Variants in CFAP77 observed in about 807,000 individuals in gnomAD.
The protein encoded by CFAP77 is cilia and flagella associated protein 77.
CFAP77 carries 25 observed loss-of-function variants against 31.1 expected under a neutral mutation model. The observed-to-expected ratio is 0.80, with a 90% CI of 0.59 to 1.12. The LOEUF is 1.12. Ranked by LOEUF, CFAP77 falls within the 50% of genes most tolerant of loss-of-function variation. The probability of loss-of-function intolerance (pLI) is 0.00; values close to 1 mark genes in which losing one functional copy is unlikely to be tolerated. For synonymous variants in CFAP77, 151 were observed against 159.9 expected, an observed-to-expected ratio of 0.94 and a Z score of 0.42; for missense variants, 377 against 397.3, an observed-to-expected ratio of 0.95 and a Z score of 0.44.
rs1485280370 is a variant in CFAP77, at chr9:132,513,920, TG to T, written c.524+14321del. 3.4e-3 allele frequency among the ~76,000 whole-genome samples: 417 copies of T among 123,056 alleles called. 5 individuals carry two copies. Among genetic ancestry groups the T allele is most frequent in the African/African-American group, 4.4e-3 (147 of 33,200 alleles). The allele number at this position is 123,056 out of a possible 152,430, so 80.7% of individuals were successfully genotyped here. A position where few individuals can be genotyped will look rare whatever the true frequency, so the allele number is the denominator to read the frequency against. On this transcript the variant is annotated intron_variant, in intron 3 of 5. Transcript: ENST00000393216. ...TTGACCACGGGTGACTGTGAGGAGA[TG>T]ACCCTTCCCCTGTACCCCTGACCAC...
Position 132,490,664 on chromosome 9 carries a change from A to AC in CFAP77, c.196-8029dup. On this transcript the variant is annotated intron_variant, in intron 1 of 5. Transcript: ENST00000393216. This position sits in a 1 kb window ranked among gnomAD's most constrained non-coding sequence, Gnocchi z 4.6. The stretch of plus-strand genomic sequence containing the variant: ...CTTACCCTCCCTGGCTACTCCTGGA[A>AC]CCTTCTTCAGATCAGTTCTTCCCAA... Among the ~76,000 whole-genome samples the AC allele has an allele frequency of 6.6e-6, 1 of 152,192 alleles. No homozygotes were observed. The highest frequency in any genetic ancestry group is 1.9e-4 in the East Asian group (1 of 5,176).
chr9:132,524,794 G>A (rs1446439463), intron 3 of CFAP77, among the ~76,000 whole-genome samples: 6 of 139,732 alleles, frequency 4.3e-5, no homozygotes, highest in Admixed American at 1.4e-4. Context: ...GACTACAGGC[G>A]CCCGCCACCA....
chr9:132,504,075 A>G (rs376025340), intron 3 of CFAP77, among the ~76,000 whole-genome samples: 1 of 152,180 alleles, frequency 6.6e-6, no homozygotes, highest in Non-Finnish European at 1.5e-5. Context: ...CACAAAGGAC[A>G]CTTGTGATCA....
intron 1 of CFAP77, among the ~76,000 whole-genome samples, chr9:132,430,222 T>C (rs1469193331): frequency 2.6e-5 from 4 of 152,184 alleles, no homozygotes; most frequent in African/African-American, 9.7e-5. Flanking sequence ...TTTCTTATTT[T>C]CTATACTATT....
In CFAP77 at chr9:132,572,748, CCTT is replaced by C. The variant is rs1284441953; in HGVS notation, c.*241_*243del. The stretch of plus-strand genomic sequence containing the variant: ...ACCTGGAGCCTCCTCCTCTCCTCCT[CCTT>C]CTCCTCCTAGGGCAGGCTCACCCTG... On this transcript the variant is annotated 3_prime_UTR_variant, in exon 6 of 6. Coordinates refer to ENST00000393216, the MANE Select transcript of CFAP77 (RefSeq NM_001282957.2). The C allele has an allele frequency of 2.1e-5, 11 of 531,274 alleles. No individual in the cohort carries two copies. Among genetic ancestry groups the C allele is most frequent in the East Asian group, 1.3e-4 (4 of 30,260 alleles). The allele number at this position is 531,274 out of a possible 1,614,324, so 32.9% of individuals were successfully genotyped here.
At chr9:132,429,537 CAAAAAAAAAAAA>C (rs762588728) in intron 1 of CFAP77, among the ~76,000 whole-genome samples, 4 of 39,466 alleles carry the variant, frequency 1.0e-4, no homozygotes, top group South Asian at 1.1e-3. Flanking sequence ...GACTTCAACT[CAAAAAAAAAAAA>C]AAAAAAAAAA....
At chr9:132,465,450 A>C (rs1301177883) in intron 1 of CFAP77, among the ~76,000 whole-genome samples, 1 of 152,200 alleles carries the variant, frequency 6.6e-6, no homozygotes, top group Non-Finnish European at 1.5e-5. Flanking sequence ...AGGAAAAGGC[A>C]CAAGTTAGAC....
rs531763105 is a variant in CFAP77 at position 132,473,891 on chromosome 9, C to A, written c.196-24804C>A. Reference sequence around the variant, plus strand: ...AGAGACAGAGTTTCACCATGTTGGCCAGGCTGGTCTCAAACTCCTGACTTC... The same window carrying A: ...AGAGACAGAGTTTCACCATGTTGGCAAGGCTGGTCTCAAACTCCTGACTTC... On this transcript the variant is annotated intron_variant, in intron 1 of 5. Transcript: ENST00000393216. Among the ~76,000 whole-genome samples, 472 of 152,306 alleles carry A rather than the reference C, an allele frequency of 3.1e-3. 2 individuals are homozygous for A. The highest frequency in any genetic ancestry group is 0.01 in the African/African-American group (430 of 41,570).
At chr9:132,412,352 T>C (rs1412380576) in intron 1 of CFAP77, among the ~76,000 whole-genome samples, 1 of 152,230 alleles carries the variant, frequency 6.6e-6, no homozygotes, top group South Asian at 2.1e-4. Flanking sequence ...CCTTTACCTC[T>C]GGCTTTCCTT....
rs61308567 is a variant in CFAP77 at position 132,543,002 on chromosome 9, G to T, written c.687G>T (p.Pro229=). 2 of 1,614,058 alleles carry T rather than the reference G, an allele frequency of 1.2e-6. No individual in the cohort carries two copies. The highest frequency in any genetic ancestry group is 1.3e-5 in the African/African-American group (1 of 74,972). Residue 229 remains proline (P), a synonymous_variant, in exon 5 of 6, where the codon CCG becomes CCT. Coordinates refer to ENST00000393216, the MANE Select transcript of CFAP77 (RefSeq NM_001282957.2). ...TRSSQLRKYK[P]PVKLDTLWHM... ...GCAGTCAGCTGAGGAAGTACAAGCC[G>T]CCCGTGAAGCTGGACACCCTCTGGC... is the stretch of plus-strand genomic sequence containing the variant.
chr9:132,420,091 G>A (rs1297688066), intron 1 of CFAP77, among the ~76,000 whole-genome samples: 3 of 151,580 alleles, frequency 2.0e-5, no homozygotes, highest in Non-Finnish European at 4.4e-5. Context: ...AGGCCAGGAG[G>A]TTGAGGCTAC....
At chr9:132,512,645 G>A (rs771522745) in intron 3 of CFAP77, among the ~76,000 whole-genome samples, 3 of 152,212 alleles carry the variant, frequency 2.0e-5, no homozygotes, top group Non-Finnish European at 2.9e-5. Flanking sequence ...TTTGTAATCA[G>A]TCAAAAGATG....
At chr9:132,483,750 A>G (rs1184066372) in intron 1 of CFAP77, among the ~76,000 whole-genome samples, 5 of 152,054 alleles carry the variant, frequency 3.3e-5, no homozygotes, top group Non-Finnish European at 7.4e-5. Flanking sequence ...CCACCTCAGC[A>G]CAGTCTCAGA....
At chr9:132,534,918 A>G (rs370919979) in intron 3 of CFAP77, among the ~76,000 whole-genome samples, 2 of 152,172 alleles carry the variant, frequency 1.3e-5, no homozygotes, top group East Asian at 3.8e-4. Flanking sequence ...GTCCATTACC[A>G]TGTCTCCCAG....
chr9:132,410,352 G>A lies in CFAP77; in HGVS notation c.81G>A (p.Gln27=), dbSNP rs749285771. The change falls in exon 1 of 6, where the codon CAG becomes CAA. Residue 27 remains glutamine, a synonymous_variant. Transcript: ENST00000393216. ...QQQPVRRTVS[Q]VCPPPRRPLT... ...AGCCTGTGCGCCGCACGGTCAGCCA[G>A]GTCTGCCCGCCCCCGCGGCGGCCCC... 8.1e-6 allele frequency: 13 copies of A among 1,598,132 alleles called. No homozygotes were observed. The highest frequency in any genetic ancestry group is 1.4e-5 in the African/African-American group (1 of 72,974).
chr9:132,543,255 G>C (rs112763937), intron 5 of CFAP77, among the ~76,000 whole-genome samples: 2 of 152,354 alleles, frequency 1.3e-5, no homozygotes, highest in East Asian at 3.9e-4. Context: ...TTCACTGAAG[G>C]GGGCAGCTGC....
intron 1 of CFAP77, among the ~76,000 whole-genome samples, chr9:132,477,757 G>A (rs577184775): frequency 6.6e-6 from 1 of 152,252 alleles, no homozygotes; most frequent in Admixed American, 6.5e-5. Flanking sequence ...TCTAGGGGGT[G>A]AGTAGGGAAC....
At chr9:132,571,422 C>T (rs1589932073) in intron 5 of CFAP77, among the ~76,000 whole-genome samples, 1 of 152,162 alleles carries the variant, frequency 6.6e-6, no homozygotes, top group East Asian at 1.9e-4. Flanking sequence ...GCGCACTCCC[C>T]AGCCTTCTGT....
At position 132,517,037 on chromosome 9, in the gene CFAP77, G is replaced by A. The variant is rs17149233; in HGVS notation, c.524+17437G>A. Among the ~76,000 whole-genome samples, 9,198 of 152,172 alleles carry A rather than the reference G, an allele frequency of 0.06. 937 individuals are homozygous for A. The highest frequency in any genetic ancestry group is 0.21 in the African/African-American group (8,674 of 41,480). ...GCAGCTCGGGGCTGTGTGAGAACAC[G>A]AGGGCGGTCTTCAGAAACCCCATCC... On this transcript the variant is annotated intron_variant, in intron 3 of 5. Transcript: ENST00000393216. The surrounding 1 kb of genome is among the most constrained non-coding windows in gnomAD (Gnocchi z 4.7).
Sources: allele counts gnomAD v4.1 joint callset (sites outside exome capture counted in the v4.1 genomes callset), GRCh38; gene constraint gnomAD v4.1.1; non-coding constraint Gnocchi (gnomAD v3.1); transcripts MANE v1.5; gene names NCBI Gene and HGNC (gene_info 2026-07-23, HGNC 2026-07-21).